Variants in SELENOF observed in about 807,000 individuals in gnomAD.
SELENOF encodes selenoprotein F, also known as 15 kDa selenoprotein.
In SELENOF, 16 loss-of-function variants were observed where a neutral mutation model predicts 20.5. The ratio of observed to expected loss-of-function variants is 0.78; its 90% confidence interval spans 0.53 to 1.19. The LOEUF (loss-of-function observed/expected upper bound fraction) is 1.19, where lower values mean the gene tolerates loss of function less well. Ranked by LOEUF, SELENOF falls within the 50% of genes most tolerant of loss-of-function variation. The probability of loss-of-function intolerance (pLI) is 0.00; values close to 1 mark genes in which losing one functional copy is unlikely to be tolerated. For missense variants in SELENOF, 215 were observed against 194.2 expected (o/e 1.11, Z -0.64); for synonymous variants, 78 against 74.5 (o/e 1.05, Z -0.24).
chr1:86,872,203 T>A (rs1658790968), intron 3 of SELENOF, among the ~76,000 whole-genome samples: 1 of 152,216 alleles, frequency 6.6e-6, no homozygotes, highest in Admixed American at 6.5e-5. Flanking sequence ...TTTCCTGATT[T>A]TGAAGGTAAA....
intron 3 of SELENOF, among the ~76,000 whole-genome samples, chr1:86,871,630 CA>C (rs1208010433): frequency 6.6e-6 from 1 of 152,100 alleles, no homozygotes; most frequent in Admixed American, 6.5e-5. Flanking sequence ...TCCTCAAGTT[CA>C]AAGATTTTGG....
chr1:86,864,225 A>G (rs1055651099), intron 4 of SELENOF, among the ~76,000 whole-genome samples: 1 of 152,228 alleles, frequency 6.6e-6, no homozygotes, highest in Non-Finnish European at 1.5e-5. Flanking sequence ...TAACAAATCT[A>G]ATGATTTTAT....
At chr1:86,907,998 CA>C (rs368415232) in intron 1 of SELENOF, among the ~76,000 whole-genome samples, 24,949 of 139,594 alleles carry the variant, frequency 0.18, 2,462 homozygotes, top group African/African-American at 0.3. Flanking sequence ...AAAAAAAAAA[CA>C]AAAAAAAAAA....
intron 1 of SELENOF, 116 bp from the exon 2 acceptor site, chr1:86,903,564 T>C: frequency 4.5e-6 from 3 of 660,434 alleles, no homozygotes; most frequent in South Asian, 3.2e-5. Flanking sequence ...TACTGAAATG[T>C]TTCATTTGGA....
At chr1:86,867,749 G>C (rs1158422759) in intron 4 of SELENOF, among the ~76,000 whole-genome samples, 1 of 123,260 alleles carries the variant, frequency 8.1e-6, no homozygotes, top group African/African-American at 3.0e-5. Flanking sequence ...TTCATCAATT[G>C]TAACAAATGT....
chr1:86,891,216 AT>A (rs1326695863), intron 2 of SELENOF, among the ~76,000 whole-genome samples: 1 of 151,590 alleles, frequency 6.6e-6, no homozygotes, highest in Non-Finnish European at 1.5e-5. Context: ...CGCCTGGCTA[AT>A]TTTGTATTTT....
chr1:86,892,205 T>G (rs1049341598), intron 2 of SELENOF, among the ~76,000 whole-genome samples: 13 of 152,210 alleles, frequency 8.5e-5, no homozygotes, highest in Admixed American at 5.9e-4. Flanking sequence ...CCCAAAGTGC[T>G]GGGATTACAG....
At chr1:86,894,777 C>T (rs1659476939) in intron 2 of SELENOF, among the ~76,000 whole-genome samples, 1 of 152,158 alleles carries the variant, frequency 6.6e-6, no homozygotes, top group East Asian at 1.9e-4. Flanking sequence ...TTGGAGGCTG[C>T]TGTGAGCTAT....
intron 2 of SELENOF, among the ~76,000 whole-genome samples, chr1:86,883,464 T>C (rs1168931939): frequency 1.3e-5 from 2 of 151,698 alleles, no homozygotes; most frequent in South Asian, 2.2e-4. Context: ...AAATAGTGTA[T>C]AGTGTATGTA....
chr1:86,905,341 C>T (rs986766952), intron 1 of SELENOF, among the ~76,000 whole-genome samples: 1 of 152,134 alleles, frequency 6.6e-6, no homozygotes, highest in Non-Finnish European at 1.5e-5. Context: ...TATAAAAGCC[C>T]TACTCAAACA....
intron 3 of SELENOF, among the ~76,000 whole-genome samples, chr1:86,876,467 T>C (rs905665811): frequency 2.6e-5 from 4 of 152,214 alleles, no homozygotes; most frequent in Admixed American, 6.5e-5. Context: ...CCCAAATTTA[T>C]AGAATTGTAC....
intron 3 of SELENOF, among the ~76,000 whole-genome samples, chr1:86,876,952 G>GC (rs1658937398): frequency 6.6e-6 from 1 of 152,174 alleles, no homozygotes; most frequent in South Asian, 2.1e-4. Context: ...TATTGCATAT[G>GC]AGAAAGGCTG....
intron 3 of SELENOF, among the ~76,000 whole-genome samples, chr1:86,877,511 G>A (rs1658952885): frequency 6.6e-6 from 1 of 152,108 alleles, no homozygotes; most frequent in Non-Finnish European, 1.5e-5. Flanking sequence ...CTTGGGGATA[G>A]GACCCAAATA....
At chr1:86,907,263 C>T (rs1452398687) in intron 1 of SELENOF, among the ~76,000 whole-genome samples, 2 of 152,244 alleles carry the variant, frequency 1.3e-5, no homozygotes, top group Middle Eastern at 3.4e-3. Flanking sequence ...TGGTATTAGG[C>T]TCACCTTCCA....
At chr1:86,883,361 C>A in intron 2 of SELENOF, among the ~76,000 whole-genome samples, 1 of 152,072 alleles carries the variant, frequency 6.6e-6, no homozygotes, top group Non-Finnish European at 1.5e-5. Flanking sequence ...AGATGGTTAA[C>A]ACAGTTGTAC....
intron 3 of SELENOF, among the ~76,000 whole-genome samples, chr1:86,880,107 C>T (rs1417796548): frequency 6.6e-6 from 1 of 151,908 alleles, no homozygotes; most frequent in Non-Finnish European, 1.5e-5. Flanking sequence ...AGAAAATAAC[C>T]CCTTCATGTG....
chr1:86,887,889 G>T (rs1659267636), intron 2 of SELENOF, among the ~76,000 whole-genome samples: 1 of 150,856 alleles, frequency 6.6e-6, no homozygotes, highest in Admixed American at 6.6e-5. Flanking sequence ...ATCACATGAT[G>T]AAAAAAAAAG....
intron 3 of SELENOF, among the ~76,000 whole-genome samples, chr1:86,877,998 C>A (rs562290261): frequency 6.6e-6 from 1 of 151,168 alleles, no homozygotes; most frequent in African/African-American, 2.4e-5. Flanking sequence ...AAGACTCAAG[C>A]GAGAGAAAAA....
At position 86,903,287 on chromosome 1, in the gene SELENOF, G is replaced by A. The variant is rs749772753; in HGVS notation, c.246C>T (p.Thr82=). ...ATATACTAGAAAACAGTACCTTTTT[G>A]GTTTCAAATTGTGCTTCCTCCTGAC... ...GCCQEEAQFE[T]KKLYAGAILE... is the part of the protein sequence containing the mutation. Residue 82 remains threonine (T), a synonymous_variant, in exon 2 of 5, where the codon ACC becomes ACT. Coordinates refer to ENST00000331835, the MANE Select transcript of SELENOF (RefSeq NM_004261.5). 7.5e-6 allele frequency: 12 copies of A among 1,606,382 alleles called. No individual in the cohort carries two copies. The highest frequency in any genetic ancestry group is 1.0e-5 in the Non-Finnish European group (12 of 1,177,276).
Sources: gnomAD v4.1 joint callset for allele counts (sites outside exome capture counted in the v4.1 genomes callset) on GRCh38, gnomAD v4.1.1 for gene constraint, MANE v1.5 for transcripts, NCBI Gene and HGNC (gene_info 2026-07-23, HGNC 2026-07-21) for gene names.